Variants in SPARCL1 observed in about 807,000 individuals in gnomAD.
SPARCL1 encodes the protein SPARC like 1.
Under a neutral mutation model 67.1 loss-of-function variants are expected in SPARCL1, and 52 were observed. The ratio of observed to expected loss-of-function variants is 0.78; its 90% CI spans 0.62 to 0.98. SPARCL1 has a LOEUF of 0.98. SPARCL1 is among the 50% of genes least tolerant of loss of function. SPARCL1 has a pLI of 0.00. For missense variants in SPARCL1, 717 were observed against 782.4 expected (o/e 0.92, Z 1.00); for synonymous variants, 226 against 267.8 (o/e 0.84, Z 1.52).
chr4:87,490,802 G>A lies in SPARCL1; in HGVS notation c.1368C>T (p.Cys456=). The A allele has an allele frequency of 6.2e-7, 1 of 1,612,464 alleles. No homozygotes were observed. ...ADQQGKPHCV[C]QDPVTCPPTK... is the part of the protein sequence containing the mutation. ...TTGGAGGACAAGTCACTGGATCCTG[G>A]CAGACACAGTGAGGTTTTCCCTGTT... The change falls in exon 6 of 11, where the codon TGC becomes TGT. Residue 456 remains cysteine, a synonymous_variant. Coordinates refer to ENST00000282470, the MANE Select transcript of SPARCL1 (RefSeq NM_004684.6).
intron 1 of SPARCL1, 23 bp downstream of exon 1, chr4:87,529,022 G>A (rs980306300): frequency 2.0e-5 from 3 of 152,162 alleles, no homozygotes; most frequent in African/African-American, 7.2e-5. Flanking sequence ...ATTAGATAAT[G>A]CCGTAAATTT....
chr4:87,504,135 TTGTGTGTGTG>T (rs70957258), intron 1 of SPARCL1, among the ~76,000 whole-genome samples: 121 of 30,934 alleles, frequency 3.9e-3, no homozygotes, highest in Non-Finnish European at 4.3e-3. Context: ...TGATTTGGTA[TTGTGTGTGTG>T]TGTGTGTGTG....
intron 1 of SPARCL1, among the ~76,000 whole-genome samples, chr4:87,512,166 C>G (rs952268350): frequency 1.3e-5 from 2 of 151,980 alleles, no homozygotes; most frequent in African/African-American, 2.4e-5. Context: ...GGGGGTTTCA[C>G]CATGTTGGTC....
At chr4:87,476,585 C>T (rs557855121) in intron 10 of SPARCL1, among the ~76,000 whole-genome samples, 14 of 152,256 alleles carry the variant, frequency 9.2e-5, no homozygotes, top group Admixed American at 4.6e-4. Flanking sequence ...GGGGAACTTG[C>T]GTCATCTGAG....
intron 7 of SPARCL1, among the ~76,000 whole-genome samples, chr4:87,486,537 G>A (rs1724064806): frequency 1.3e-5 from 2 of 152,266 alleles, no homozygotes; most frequent in Admixed American, 1.3e-4. Flanking sequence ...TGTATATTCT[G>A]TCAATTTGGG....
intron 1 of SPARCL1, among the ~76,000 whole-genome samples, chr4:87,507,854 G>T (rs1327177896): frequency 6.6e-6 from 1 of 152,176 alleles, no homozygotes; most frequent in African/African-American, 2.4e-5. Flanking sequence ...CTTGGGGTTC[G>T]ATTAATTTGC....
chr4:87,499,490 G>A (rs2110235604), intron 2 of SPARCL1, 31 bp downstream of exon 2: 1 of 1,559,378 alleles, frequency 6.4e-7, no homozygotes. Context: ...TCAGGAGAAA[G>A]AGATGTAATA....
At chr4:87,506,768 C>A (rs7695528) in intron 1 of SPARCL1, among the ~76,000 whole-genome samples, 4 of 124,158 alleles carry the variant, frequency 3.2e-5, no homozygotes, top group African/African-American at 6.2e-5. Flanking sequence ...TTATCTATAT[C>A]TCTATCTATC....
At chr4:87,482,600 T>C in intron 7 of SPARCL1, 40 bp from the exon 8 acceptor site, 2 of 1,611,768 alleles carry the variant, frequency 1.2e-6, no homozygotes, top group Non-Finnish European at 1.7e-6. Context: ...TTTGGGCTTA[T>C]TTGTGTCCTA....
chr4:87,513,399 C>A (rs75661260), intron 1 of SPARCL1, among the ~76,000 whole-genome samples: 1 of 152,260 alleles, frequency 6.6e-6, no homozygotes, highest in East Asian at 1.9e-4. Context: ...GAACAGGCTA[C>A]AGACTAGAAG....
At chr4:87,480,953 A>T (rs1723798723) in intron 8 of SPARCL1, among the ~76,000 whole-genome samples, 1 of 151,850 alleles carries the variant, frequency 6.6e-6, no homozygotes, top group Non-Finnish European at 1.5e-5. Context: ...TCATCCATCC[A>T]GTGCCCACTC....
chr4:87,482,665 C>T (rs1723881413), intron 7 of SPARCL1, 105 bp from the exon 8 acceptor site: 1 of 1,249,900 alleles, frequency 8.0e-7, no homozygotes, highest in Admixed American at 1.9e-5. Context: ...ACAGAGCTTT[C>T]TCAGGTCCCC....
chr4:87,474,741 C>CTGTT (rs1723495330), intron 10 of SPARCL1, among the ~76,000 whole-genome samples: 1 of 64,160 alleles, frequency 1.6e-5, no homozygotes, highest in Non-Finnish European at 3.5e-5. Flanking sequence ...TTCTCTCTCT[C>CTGTT]TCTTTTTTTT....
intron 2 of SPARCL1, among the ~76,000 whole-genome samples, chr4:87,499,062 G>T (rs1446166815): frequency 1.3e-5 from 2 of 152,072 alleles, no homozygotes; most frequent in African/African-American, 4.8e-5. Flanking sequence ...TTTTAGTAGA[G>T]ACGGGGTTTT....
At chr4:87,480,862 G>C (rs988779883) in intron 8 of SPARCL1, among the ~76,000 whole-genome samples, 2 of 147,778 alleles carry the variant, frequency 1.4e-5, no homozygotes, top group Admixed American at 6.8e-5. Flanking sequence ...TAATGAAAAG[G>C]GCTGAATTGA....
chr4:87,528,314 T>A (rs1726135957), intron 1 of SPARCL1: 1 of 152,232 alleles, frequency 6.6e-6, no homozygotes, highest in African/African-American at 2.4e-5. Flanking sequence ...CATTATAATA[T>A]GAGTTACCAT....
intron 3 of SPARCL1, 64 bp downstream of exon 3, chr4:87,494,917 G>T: frequency 7.2e-7 from 1 of 1,392,450 alleles, no homozygotes; most frequent in Non-Finnish European, 9.9e-7. Context: ...CTTTTACCAT[G>T]CTTTGAAACT....
intron 5 of SPARCL1, among the ~76,000 whole-genome samples, chr4:87,491,258 TAG>T: frequency 6.6e-6 from 1 of 152,104 alleles, no homozygotes; most frequent in South Asian, 2.1e-4. Context: ...ATGTTTGTGA[TAG>T]GGGGAGGAAT....
At chr4:87,482,126 T>G (rs1218813114) in intron 8 of SPARCL1, among the ~76,000 whole-genome samples, 3 of 152,356 alleles carry the variant, frequency 2.0e-5, no homozygotes, top group African/African-American at 7.2e-5. Context: ...TTGGACTGAC[T>G]AGATCAATGC....
Sources: allele counts gnomAD v4.1 joint callset (sites outside exome capture counted in the v4.1 genomes callset), GRCh38; gene constraint gnomAD v4.1.1; transcripts MANE v1.5; gene names NCBI Gene and HGNC (gene_info 2026-07-23, HGNC 2026-07-21).